The following HSPH1 variants were observed in gnomAD, a reference collection of about 807,000 sequenced individuals.
The protein encoded by HSPH1 is heat shock protein 105 kDa.
In HSPH1, 40 loss-of-function variants were observed where a neutral mutation model predicts 100.0. The ratio of observed to expected loss-of-function variants is 0.40; its 90% CI spans 0.31 to 0.52. The LOEUF (loss-of-function observed/expected upper bound fraction) is 0.52. HSPH1 is among the 20% of genes least tolerant of loss of function. The pLI is 0.54. For missense variants in HSPH1, 876 were observed against 1,015.1 expected (o/e 0.86, Z 1.86); for synonymous variants, 403 against 344.0 (o/e 1.17, Z -1.90).
At chr13:31,145,851 G>A in intron 10 of HSPH1, 83 bp from the exon 11 acceptor site, 1 of 1,295,482 alleles carries the variant, frequency 7.7e-7, no homozygotes, top group Non-Finnish European at 1.1e-6. Context: ...CCAGGTGGGT[G>A]GTTCATGTCT....
At position 31,141,141 on chromosome 13, in the gene HSPH1, T is replaced by G; in HGVS notation, c.1835A>C (p.Asn612Thr). 1 of 1,599,978 alleles carries G rather than the reference T, an allele frequency of 6.3e-7. No homozygotes were observed. The highest frequency in any genetic ancestry group is 8.5e-7 in the Non-Finnish European group (1 of 1,171,510). ...LVWQLGKDLL[N>T]MYIETEGKMI... Reference sequence around the variant, plus strand: ...ACTTACCTCTGTCTCAATATACATGTTAAGAAGGTCTTTCCCTAACTGCCA... The same window carrying G: ...ACTTACCTCTGTCTCAATATACATGGTAAGAAGGTCTTTCCCTAACTGCCA... Residue 612 changes from asparagine (N) to threonine (T), a missense_variant, in exon 13 of 18, where the codon AAC becomes ACC. By Grantham distance (65) the Asn-to-Thr change is moderately conservative (BLOSUM62 0). Coordinates refer to ENST00000320027, the MANE Select transcript of HSPH1 (RefSeq NM_006644.4).
In HSPH1 at chr13:31,150,944, C is replaced by T. The variant is rs746308841; in HGVS notation, c.908+3G>A. ...TATTTAATCTGTAGAATTCAAGACA[C>T]ACCTGTTCATCTTTCCGGAAACATC... On this transcript the variant is annotated splice_donor_region_variant and intron_variant, in intron 7 of 17. Transcript: ENST00000320027. 29 of 1,608,438 alleles carry T rather than the reference C, an allele frequency of 1.8e-5. No individual in the cohort carries two copies. Among genetic ancestry groups the T allele is most frequent in the African/African-American group, 2.7e-5 (2 of 74,498 alleles).
At chr13:31,139,331 T>C (rs1045335208) in intron 14 of HSPH1, 14 of 499,124 alleles carry the variant, frequency 2.8e-5, no homozygotes, top group Admixed American at 3.4e-5. Flanking sequence ...TCTAGAAGAG[T>C]ATCTTCCTGC....
In HSPH1 at chr13:31,161,835, C is replaced by T; in HGVS notation, c.-253G>A. ...CGGGGCTCAGCCTCCGCAGGTCGCT[C>T]CGCACCTCGGGTTGCCTGCCTCACT... is the stretch of plus-strand genomic sequence containing the variant. On this transcript the variant is annotated 5_prime_UTR_variant, in exon 1 of 18. Transcript: ENST00000320027. 4.7e-6 allele frequency: 7 copies of T among 1,476,428 alleles called. No homozygotes were observed. Among genetic ancestry groups the T allele is most frequent in the Non-Finnish European group, 5.4e-6 (6 of 1,114,880 alleles). 91.5% of individuals were successfully genotyped at this position (1,476,428 alleles called of 1,614,324 possible). A position where few individuals can be genotyped will look rare whatever the true frequency, so the allele number is the denominator to read the frequency against.
At chr13:31,154,175 G>C (rs1217055144) in intron 4 of HSPH1, 1 of 201,008 alleles carries the variant, frequency 5.0e-6, no homozygotes, top group East Asian at 1.4e-4. Flanking sequence ...CCCTTTGATA[G>C]TCTAACTAGT....
At position 31,148,092 on chromosome 13, in the gene HSPH1, A is replaced by G. The variant is rs750624609; in HGVS notation, c.1245T>C (p.Gly415=). 43 of 1,603,896 alleles carry G rather than the reference A, an allele frequency of 2.7e-5. 1 individual carries two copies. The highest frequency in any genetic ancestry group is 1.1e-4 in the South Asian group (10 of 88,386). ...IWNHDSEDTE[G]VHEVFSRNHA... ...GGTTTCGACTAAAGACTTCATGAAC[A>G]CTAGAGAGAAAAGAAAAAGGCATTC... Residue 415 remains glycine, a splice_region_variant and synonymous_variant, in exon 10 of 18, where the codon GGT becomes GGC. Transcript: ENST00000320027.
At position 31,154,645 on chromosome 13, in the gene HSPH1, A is replaced by G. The variant is rs139370701; in HGVS notation, c.417T>C (p.Asp139=). Residue 139 remains aspartate (D), a synonymous_variant, in exon 4 of 18, where the codon GAT becomes GAC. Coordinates refer to ENST00000320027, the MANE Select transcript of HSPH1 (RefSeq NM_006644.4). The part of the protein sequence containing the change: ...AENSLKKPVT[D]CVISVPSFFT... ...GAATTATACTTACTGAAATAACACA[A>G]TCTGTTACTGGTTTCTTGAGGCTGT... 1.4e-5 allele frequency: 22 copies of G among 1,613,880 alleles called. No homozygotes were observed. In the African/African-American group the frequency reaches 2.3e-4, roughly 17 times the overall value.
rs998218558 is a variant in HSPH1 at position 31,137,247 on chromosome 13, A to G, written c.*71T>C. 1 of 872,200 alleles carries G rather than the reference A, an allele frequency of 1.1e-6. No homozygotes were observed. The highest frequency in any genetic ancestry group is 1.7e-5 in the African/African-American group (1 of 59,040). 54.0% of individuals were successfully genotyped at this position (872,200 alleles called of 1,614,324 possible). On this transcript the variant is annotated 3_prime_UTR_variant, in exon 18 of 18. Coordinates refer to ENST00000320027, the MANE Select transcript of HSPH1 (RefSeq NM_006644.4). ...AAAAGAAAATATAAATAGTTTCAGT[A>G]TGTTATGTAGAGTCACATACTATGG... is the stretch of plus-strand genomic sequence containing the variant.
In HSPH1 at chr13:31,148,497, A is replaced by C; in HGVS notation, c.1138-17T>G. The C allele has an allele frequency of 7.9e-7, 1 of 1,262,502 alleles. No homozygotes were observed. Among genetic ancestry groups the C allele is most frequent in the Non-Finnish European group, 1.1e-6 (1 of 924,882 alleles). 78.2% of individuals were successfully genotyped at this position (1,262,502 alleles called of 1,614,324 possible). A position where few individuals can be genotyped will look rare whatever the true frequency, so the allele number is the denominator to read the frequency against. On this transcript the variant is annotated splice_polypyrimidine_tract_variant and intron_variant, in intron 8 of 17. Transcript: ENST00000320027. ...TATTGCACACTTAAAAAAAAAAAAA[A>C]AAATCATGAGCACATGAACACTTCC...
chr13:31,150,185 T>A lies in HSPH1; in HGVS notation c.909-3A>T. ...CACAGAGTTCTTCAAATTGTGACCT[T>A]AGCAAATAAAAACTTGTTTTTAGAA... On this transcript the variant is annotated splice_region_variant and splice_polypyrimidine_tract_variant and intron_variant, in intron 7 of 17. Transcript: ENST00000320027. 1 of 1,557,982 alleles carries A rather than the reference T, an allele frequency of 6.4e-7. No homozygotes were observed. The highest frequency in any genetic ancestry group is 2.3e-5 in the East Asian group (1 of 44,192).
At chr13:31,145,932 A>G (rs1301240832) in intron 10 of HSPH1, among the ~76,000 whole-genome samples, 164 bp from the exon 11 acceptor site, 1 of 152,062 alleles carries the variant, frequency 6.6e-6, no homozygotes, top group African/African-American at 2.4e-5. Context: ...CCTGGGCAAG[A>G]TAGTGAGATC....
intron 4 of HSPH1, 106 bp downstream of exon 4, chr13:31,154,527 C>T (rs760922407): frequency 1.7e-5 from 21 of 1,265,558 alleles, no homozygotes; most frequent in East Asian, 9.3e-5. Context: ...CAGTAGAACA[C>T]GGTCTCTAGT....
At chr13:31,154,206 AG>A (rs1310434732) in intron 4 of HSPH1, 9 of 217,444 alleles carry the variant, frequency 4.1e-5, no homozygotes, top group Non-Finnish European at 7.5e-5. Flanking sequence ...TGAAGGTAAC[AG>A]GCTTGCTAGT....
rs150804857 is a variant in HSPH1 at position 31,140,034 on chromosome 13, C to T, written c.1980+150G>A. 1,028 of 703,334 alleles carry T rather than the reference C, an allele frequency of 1.5e-3. 9 individuals are homozygous for T. The highest frequency in any genetic ancestry group is 0.013 in the East Asian group (506 of 37,652). 43.6% of individuals were successfully genotyped at this position (703,334 alleles called of 1,614,324 possible). A position where few individuals can be genotyped will look rare whatever the true frequency, so the allele number is the denominator to read the frequency against. On this transcript the variant is annotated intron_variant, in intron 14 of 17. Transcript: ENST00000320027. ...GCTAGTACAAAATAAAACTGCTCATCAGCAACAAGCCTTTCTCCATAACTT... is the reference window on the plus strand; with the variant it reads ...GCTAGTACAAAATAAAACTGCTCATTAGCAACAAGCCTTTCTCCATAACTT...
At chr13:31,149,723 G>T (rs540583383) in intron 8 of HSPH1, among the ~76,000 whole-genome samples, 2 of 152,218 alleles carry the variant, frequency 1.3e-5, no homozygotes, top group East Asian at 3.9e-4. Flanking sequence ...TCAGAATCAT[G>T]CCTGTTTTTG....
rs538115570 is a variant in HSPH1, at chr13:31,144,795, A to T, written c.1584+768T>A. Among the ~76,000 whole-genome samples the T allele has an allele frequency of 3.3e-5, 5 of 152,280 alleles. No homozygotes were observed. The East Asian group carries it at 7.7e-4, about 23-fold the overall frequency. ...ATTGAGAAAGTATATGGCACTCATC[A>T]TTTAACCCATTACTGTACATTAGAA... On this transcript the variant is annotated intron_variant, in intron 11 of 17. Transcript: ENST00000320027.
intron 9 of HSPH1, 106 bp downstream of exon 9, chr13:31,148,268 T>C: frequency 1.0e-6 from 1 of 983,456 alleles, no homozygotes. Flanking sequence ...CCAGGTAAAT[T>C]AATGACTACT....
intron 11 of HSPH1, among the ~76,000 whole-genome samples, chr13:31,144,449 T>G (rs1328592740): frequency 6.6e-6 from 1 of 152,198 alleles, no homozygotes; most frequent in Non-Finnish European, 1.5e-5. Context: ...CTTTCTGTGA[T>G]CCAGCTATTT....
Position 31,141,156 on chromosome 13 carries a change from C to T in HSPH1, c.1820G>A (p.Gly607Glu). The T allele has an allele frequency of 6.2e-7, 1 of 1,604,880 alleles. No individual in the cohort carries two copies. Among genetic ancestry groups the T allele is most frequent in the East Asian group, 2.2e-5 (1 of 44,718 alleles). Residue 607 changes from glycine (G) to glutamate (E), a missense_variant, in exon 13 of 18, where the codon GGG (glycine) becomes GAG (glutamate). Transcript: ENST00000320027. ...PIEANLVWQL[G>E]KDLLNMYIET... ...AATATACATGTTAAGAAGGTCTTTCCCTAACTGCCAGACCAAGTTGGCTTC... is the reference window on the plus strand; with the variant it reads ...AATATACATGTTAAGAAGGTCTTTCTCTAACTGCCAGACCAAGTTGGCTTC...
Sources: gnomAD v4.1 joint callset for allele counts (sites outside exome capture counted in the v4.1 genomes callset) on GRCh38, gnomAD v4.1.1 for gene constraint, MANE v1.5 for transcripts, NCBI Gene and HGNC (gene_info 2026-07-23, HGNC 2026-07-21) for gene names.